Variants in LRRC27 observed in about 807,000 individuals in gnomAD.
LRRC27 encodes leucine rich repeat containing 27, also known as leucine-rich repeat-containing protein 27.
In LRRC27, 57 loss-of-function variants were observed where a neutral mutation model predicts 55.0. The observed-to-expected ratio is 1.04, with a 90% confidence interval of 0.84 to 1.29. The LOEUF (loss-of-function observed/expected upper bound fraction) is 1.29. Among genes scored for constraint, LRRC27 ranks in the 50% most tolerant of loss-of-function variants. LRRC27 has a pLI of 0.00. For missense variants in LRRC27, 721 were observed against 651.5 expected (o/e 1.11, Z -1.16); for synonymous variants, 278 against 251.9 (o/e 1.10, Z -0.98).
chr10:132,364,132 C>T (rs1406139877), intron 9 of LRRC27, among the ~76,000 whole-genome samples: 2 of 152,006 alleles, frequency 1.3e-5, no homozygotes, highest in Non-Finnish European at 2.9e-5. Context: ...ATGCCCTGAC[C>T]TGAGGGCTCT....
intron 10 of LRRC27, among the ~76,000 whole-genome samples, chr10:132,368,440 A>G (rs555713702): frequency 6.6e-6 from 1 of 152,372 alleles, no homozygotes; most frequent in African/African-American, 2.4e-5. Context: ...TAAAGCTACA[A>G]TAACAGTGTG....
rs1564853091 is a variant in LRRC27, at chr10:132,364,392, C to CG, written c.1290-1032_1290-1031insG. On this transcript the variant is annotated intron_variant, in intron 9 of 10. Coordinates refer to ENST00000368614, the MANE Select transcript of LRRC27 (RefSeq NM_030626.3). ...TTACACCCACCCACACTTACACCCA[C>CG]CCTTACATCTACCTCCACACCCGCG... Among the ~76,000 whole-genome samples the CG allele has an allele frequency of 4.4e-4, 52 of 117,006 alleles. 5 individuals carry two copies. Among genetic ancestry groups the CG allele is most frequent in the East Asian group, 1.1e-3 (4 of 3,528 alleles). 76.8% of individuals were successfully genotyped at this position (117,006 alleles called of 152,430 possible). A position where few individuals can be genotyped will look rare whatever the true frequency, so the allele number is the denominator to read the frequency against.
chr10:132,353,095 A>G, intron 7 of LRRC27: 2 of 1,502,002 alleles, frequency 1.3e-6, no homozygotes, highest in Non-Finnish European at 1.8e-6. Flanking sequence ...GCTGGCATGG[A>G]CCACAGCCAC....
chr10:132,334,501 A>G (rs1053902645), intron 2 of LRRC27, among the ~76,000 whole-genome samples: 2 of 152,204 alleles, frequency 1.3e-5, no homozygotes, highest in African/African-American at 4.8e-5. Context: ...TCAGCTTCCC[A>G]AAGTGCTGGA....
chr10:132,375,452 C>G lies in LRRC27; in HGVS notation c.*210C>G, dbSNP rs1458440193. 6.0e-6 allele frequency: 3 copies of G among 499,104 alleles called. No homozygotes were observed. Among genetic ancestry groups the G allele is most frequent in the African/African-American group, 5.9e-5 (3 of 51,084 alleles). The allele number at this position is 499,104 out of a possible 1,614,324, so 30.9% of individuals were successfully genotyped here. ...TTCAGCCGTATTAAAAGAAAGGACA[C>G]TGTGAGCACGTGGTCTCGCCTTCCC... On this transcript the variant is annotated 3_prime_UTR_variant, in exon 11 of 11. Coordinates refer to ENST00000368614, the MANE Select transcript of LRRC27 (RefSeq NM_030626.3).
At chr10:132,350,412 C>G (rs916253234) in intron 6 of LRRC27, 7 of 152,356 alleles carry the variant, frequency 4.6e-5, no homozygotes, top group Non-Finnish European at 5.9e-5. Context: ...AGAGCCTGGG[C>G]CACCTGCCCT....
intron 7 of LRRC27, among the ~76,000 whole-genome samples, 186 bp downstream of exon 7, chr10:132,351,939 G>A (rs888124756): frequency 1.1e-4 from 16 of 152,246 alleles, no homozygotes; most frequent in South Asian, 6.2e-4. Flanking sequence ...GGTCTGTAGC[G>A]CCACGCACGG....
At chr10:132,331,997 C>T, upstream of LRRC27, 1 of 434,576 alleles carries the variant, frequency 2.3e-6, no homozygotes, top group Non-Finnish European at 4.0e-6. Flanking sequence ...GCACCACACC[C>T]GACCCCCTGC....
chr10:132,350,011 G>T (rs2067927423), intron 6 of LRRC27, among the ~76,000 whole-genome samples: 1 of 152,174 alleles, frequency 6.6e-6, no homozygotes, highest in African/African-American at 2.4e-5. Flanking sequence ...GCTCAGGGTG[G>T]TGGCCCTTCC....
chr10:132,338,126 G>A (rs2138628410), intron 3 of LRRC27, among the ~76,000 whole-genome samples: 1 of 152,230 alleles, frequency 6.6e-6, no homozygotes, highest in Admixed American at 6.5e-5. Context: ...GACCAGCCTG[G>A]CCAACATGGC....
upstream of LRRC27, among the ~76,000 whole-genome samples, chr10:132,331,082 T>C (rs2066694133): frequency 6.7e-6 from 1 of 149,294 alleles, no homozygotes; most frequent in African/African-American, 2.5e-5. Flanking sequence ...GCGCCTGTAG[T>C]CCCAGCTACT....
Position 132,351,680 on chromosome 10 carries a change from AG to A in LRRC27, c.1001del (p.Arg334AsnfsTer19), listed in dbSNP as rs2132943126. On this transcript the variant is annotated frameshift_variant, in exon 7 of 11. Transcript: ENST00000368614. LOFTEE classifies it high-confidence loss of function. ...SPYQMAIRAK[R>X]LEESRAAALR... is the part of the protein sequence containing the mutation. ...GTACCAAATGGCGATCCGAGCAAAAAGACTGGAAGAGAGCCGAGCGGCGGCG... is the reference window on the plus strand; with the variant it reads ...GTACCAAATGGCGATCCGAGCAAAAAACTGGAAGAGAGCCGAGCGGCGGCG... 3.1e-6 allele frequency: 5 copies of A among 1,614,034 alleles called. No homozygotes were observed. The East Asian group carries it at 1.1e-4, about 36-fold the overall frequency.
intron 10 of LRRC27, chr10:132,366,818 C>T: frequency 4.0e-6 from 5 of 1,255,780 alleles, no homozygotes; most frequent in Non-Finnish European, 5.2e-6. Flanking sequence ...TCCATTCCCA[C>T]CATTTCCGCT....
At chr10:132,347,084 T>C (rs75389700) in intron 5 of LRRC27, among the ~76,000 whole-genome samples, 39 of 152,310 alleles carry the variant, frequency 2.6e-4, no homozygotes, top group African/African-American at 8.4e-4. Flanking sequence ...TGAGGTCGTG[T>C]TTTGAGAAAG....
At chr10:132,344,743 C>A in intron 5 of LRRC27, 93 bp downstream of exon 5, 3 of 1,417,568 alleles carry the variant, frequency 2.1e-6, no homozygotes, top group Non-Finnish European at 2.9e-6. Context: ...TTAATAACAT[C>A]CTGAGAAATA....
intron 9 of LRRC27, 26 bp from the exon 10 acceptor site, chr10:132,365,398 T>C: frequency 6.2e-7 from 1 of 1,612,330 alleles, no homozygotes; most frequent in Non-Finnish European, 8.5e-7. Context: ...GTCAAGTCAT[T>C]TCCCTCTTTG....
upstream of LRRC27, chr10:132,331,884 A>G: frequency 5.9e-6 from 6 of 1,019,814 alleles, no homozygotes; most frequent in South Asian, 1.7e-5. Flanking sequence ...CAGGCGCACC[A>G]CCCCCTGCCA....
chr10:132,333,061 C>T (rs1010019226), intron 1 of LRRC27, among the ~76,000 whole-genome samples: 2 of 152,148 alleles, frequency 1.3e-5, no homozygotes, highest in Non-Finnish European at 2.9e-5. Flanking sequence ...TTCCTGGCCT[C>T]AAGAAACTAA....
chr10:132,344,604 G>C lies in LRRC27; in HGVS notation c.507G>C (p.Arg169=), dbSNP rs1286461455. 3.1e-6 allele frequency: 5 copies of C among 1,614,132 alleles called. No homozygotes were observed. Among genetic ancestry groups the C allele is most frequent in the Non-Finnish European group, 4.2e-6 (5 of 1,180,018 alleles). The stretch of plus-strand genomic sequence containing the variant: ...TGGTGGCTATCCAGCGCTTCCTGCG[G>C]ATGTGGGCAGTAGAACACTCTCTCC... ...KGLVAIQRFL[R]MWAVEHSLPR... is the part of the protein sequence containing the mutation. The change falls in exon 5 of 11, where the codon CGG becomes CGC. Residue 169 remains arginine (R), a synonymous_variant. Coordinates refer to ENST00000368614, the MANE Select transcript of LRRC27 (RefSeq NM_030626.3).
Sources: gnomAD v4.1 joint callset for allele counts (sites outside exome capture counted in the v4.1 genomes callset) on GRCh38, gnomAD v4.1.1 for gene constraint, MANE v1.5 for transcripts, NCBI Gene and HGNC (gene_info 2026-07-23, HGNC 2026-07-21) for gene names.